BRINP3: variants seen among roughly 807,000 people sequenced by gnomAD.
BRINP3 encodes the protein BMP/retinoic acid inducible neural specific 3.
In BRINP3, 19 loss-of-function variants were observed where a neutral mutation model predicts 71.0. The ratio of observed to expected loss-of-function variants is 0.27; its 90% CI spans 0.19 to 0.39. The LOEUF is 0.39. Among genes scored for constraint, BRINP3 ranks in the 10% least tolerant of loss-of-function variants. BRINP3 has a pLI of 1.00. For missense variants in BRINP3, 959 were observed against 940.8 expected (o/e 1.02, Z -0.25); for synonymous variants, 380 against 337.7 (o/e 1.13, Z -1.37).
intron 2 of BRINP3, among the ~76,000 whole-genome samples, chr1:190,412,213 G>A (rs999988538): frequency 3.3e-5 from 5 of 151,810 alleles, no homozygotes; most frequent in Admixed American, 1.3e-4. Context: ...AGGGCTGTGG[G>A]ACTGGATGAA....
intron 6 of BRINP3, among the ~76,000 whole-genome samples, chr1:190,224,688 G>A (rs1362891399): frequency 2.0e-5 from 3 of 151,700 alleles, no homozygotes; most frequent in African/African-American, 7.3e-5. Context: ...GCAAAGTGAA[G>A]AGATAACCCA....
chr1:190,456,764 A>G (rs1350867929), intron 1 of BRINP3, among the ~76,000 whole-genome samples: 1 of 151,992 alleles, frequency 6.6e-6, no homozygotes, highest in Admixed American at 6.5e-5. Flanking sequence ...TTTAATCATT[A>G]TTTTTAGAAT....
chr1:190,133,306 G>A (rs1379618472), intron 7 of BRINP3, among the ~76,000 whole-genome samples: 3 of 151,968 alleles, frequency 2.0e-5, no homozygotes, highest in Non-Finnish European at 4.4e-5. Flanking sequence ...TTTATTATGT[G>A]GTTTTAAATG....
chr1:190,124,690 G>T (rs903513313), intron 7 of BRINP3, among the ~76,000 whole-genome samples: 1 of 151,970 alleles, frequency 6.6e-6, no homozygotes, highest in African/African-American at 2.4e-5. Context: ...AACACCGTGG[G>T]TGTAAAATAT....
intron 2 of BRINP3, among the ~76,000 whole-genome samples, chr1:190,399,587 T>A (rs1447756818): frequency 1.3e-5 from 2 of 152,156 alleles, no homozygotes; most frequent in African/African-American, 2.4e-5. Context: ...TCTTGGTAAA[T>A]GCAGATACAA....
chr1:190,321,601 GTTTCACTGGC>G (rs1160787011), intron 2 of BRINP3, among the ~76,000 whole-genome samples: 1 of 151,974 alleles, frequency 6.6e-6, no homozygotes, highest in Non-Finnish European at 1.5e-5. Context: ...AAGCTTTTCA[GTTTCACTGGC>G]TTTATATTTT....
At chr1:190,428,228 G>T (rs1395079450) in intron 2 of BRINP3, among the ~76,000 whole-genome samples, 1 of 151,756 alleles carries the variant, frequency 6.6e-6, no homozygotes, top group African/African-American at 2.4e-5. Flanking sequence ...ACAAAAACAA[G>T]AATTTTCATT....
chr1:190,210,576 T>A (rs1295230085), intron 6 of BRINP3, among the ~76,000 whole-genome samples: 1 of 152,110 alleles, frequency 6.6e-6, no homozygotes, highest in East Asian at 1.9e-4. Flanking sequence ...TCTATCATCT[T>A]ATTATGAAGA....
At chr1:190,463,485 CA>C (rs1253735209) in intron 1 of BRINP3, among the ~76,000 whole-genome samples, 11 of 149,460 alleles carry the variant, frequency 7.4e-5, no homozygotes, top group African/African-American at 2.2e-4. Flanking sequence ...ATCCTGGGTA[CA>C]AAAAAAAAGT....
chr1:190,252,249 C>A (rs1328138354), intron 4 of BRINP3, among the ~76,000 whole-genome samples: 1 of 152,114 alleles, frequency 6.6e-6, no homozygotes, highest in Non-Finnish European at 1.5e-5. Flanking sequence ...TGCCAAAGAG[C>A]TTTACCAATT....
intron 3 of BRINP3, among the ~76,000 whole-genome samples, chr1:190,271,522 C>T (rs1275765557): frequency 6.6e-6 from 1 of 151,498 alleles, no homozygotes; most frequent in African/African-American, 2.4e-5. Flanking sequence ...CATAAATCAA[C>T]TCATTCCATA....
intron 6 of BRINP3, among the ~76,000 whole-genome samples, chr1:190,166,326 A>G (rs1651535689): frequency 6.6e-6 from 1 of 152,056 alleles, no homozygotes; most frequent in Non-Finnish European, 1.5e-5. Flanking sequence ...TCACTATTTT[A>G]TTTTTCTCTG....
At chr1:190,328,175 A>C (rs1286088393) in intron 2 of BRINP3, among the ~76,000 whole-genome samples, 1 of 152,134 alleles carries the variant, frequency 6.6e-6, no homozygotes, top group Non-Finnish European at 1.5e-5. Context: ...AAGTGACCCC[A>C]AAGCTAGCAA....
chr1:190,299,981 CT>C (rs1276525993), intron 2 of BRINP3, among the ~76,000 whole-genome samples: 2 of 152,066 alleles, frequency 1.3e-5, no homozygotes, highest in African/African-American at 4.8e-5. Context: ...CTGCCCTTAA[CT>C]TTTTTTCCTT....
intron 1 of BRINP3, among the ~76,000 whole-genome samples, chr1:190,475,142 G>T (rs948001516): frequency 6.6e-6 from 1 of 152,092 alleles, no homozygotes; most frequent in Non-Finnish European, 1.5e-5. Flanking sequence ...GTGACCGTCA[G>T]CAATAATACT....
At chr1:190,191,896 T>C (rs1048444788) in intron 6 of BRINP3, among the ~76,000 whole-genome samples, 3 of 152,152 alleles carry the variant, frequency 2.0e-5, no homozygotes, top group African/African-American at 7.2e-5. Flanking sequence ...ACATTCTTGT[T>C]ACTGCATTAA....
intron 6 of BRINP3, among the ~76,000 whole-genome samples, chr1:190,217,788 T>C (rs1656536375): frequency 6.6e-6 from 1 of 152,020 alleles, no homozygotes; most frequent in African/African-American, 2.4e-5. Context: ...GCATCCACTA[T>C]GGCAAGAGCC....
intron 2 of BRINP3, among the ~76,000 whole-genome samples, chr1:190,411,959 T>C (rs1352905513): frequency 2.6e-5 from 4 of 152,152 alleles, no homozygotes; most frequent in Non-Finnish European, 4.4e-5. Context: ...ATTCTGTTAA[T>C]AGAGCTGTCA....
chr1:190,333,549 A>T (rs1184708440), intron 2 of BRINP3, among the ~76,000 whole-genome samples: 1 of 151,978 alleles, frequency 6.6e-6, no homozygotes, highest in Non-Finnish European at 1.5e-5. Flanking sequence ...TTAATGATCA[A>T]ATTATATATT....
Sources: allele counts gnomAD v4.1 joint callset (sites outside exome capture counted in the v4.1 genomes callset), GRCh38; gene constraint gnomAD v4.1.1; transcripts MANE v1.5; gene names NCBI Gene and HGNC (gene_info 2026-07-23, HGNC 2026-07-21).